Variants in ALOX15B observed in about 807,000 individuals in gnomAD.
The protein encoded by ALOX15B is arachidonate 15-lipoxygenase type B.
In ALOX15B, 74 loss-of-function variants were observed where a neutral mutation model predicts 73.8. That is an observed-to-expected ratio of 1.00 (90% CI 0.83 to 1.22). ALOX15B has a LOEUF of 1.22. Ranked by LOEUF, ALOX15B falls within the 50% of genes most tolerant of loss-of-function variation. ALOX15B has a pLI of 0.00. For synonymous variants in ALOX15B, 353 were observed against 357.2 expected, an observed-to-expected ratio of 0.99 and a Z score of 0.13; for missense variants, 896 against 859.9, an observed-to-expected ratio of 1.04 and a Z score of -0.52.
intron 3 of ALOX15B, among the ~76,000 whole-genome samples, chr17:8,040,372 C>G (rs1976405011): frequency 1.3e-5 from 2 of 151,658 alleles, no homozygotes; most frequent in Admixed American, 1.3e-4. Context: ...GGGCGAAACC[C>G]CATCTCTACT....
chr17:8,039,146 G>C lies in ALOX15B; in HGVS notation c.-10G>C, dbSNP rs745678525. ...TGTGCGCCGTAGAGAGCTGGACTTA[G>C]GCTGGCAGCATGGCCGAGTTCAGGG... On this transcript the variant is annotated 5_prime_UTR_variant, in exon 1 of 14. Coordinates refer to ENST00000380183, the MANE Select transcript of ALOX15B (RefSeq NM_001141.3). The C allele has an allele frequency of 1.9e-6, 3 of 1,612,330 alleles. No individual in the cohort carries two copies. Among genetic ancestry groups the C allele is most frequent in the Non-Finnish European group, 2.5e-6 (3 of 1,179,244 alleles).
rs1460678218 is a variant in ALOX15B at position 8,048,388 on chromosome 17, G to A, written c.1854G>A (p.Arg618=). The A allele has an allele frequency of 1.2e-6, 2 of 1,610,156 alleles. No homozygotes were observed. Among genetic ancestry groups the A allele is most frequent in the Admixed American group, 1.7e-5 (1 of 59,626 alleles). ...WLLSKEPGDQ[R]PLGTYPDEHF... Reference sequence around the variant, plus strand: ...CCAACCTTGTGGTGGATCCTCAGAGGCCCCTGGGCACCTATCCGGATGAGC... The same window carrying A: ...CCAACCTTGTGGTGGATCCTCAGAGACCCCTGGGCACCTATCCGGATGAGC... The change falls in exon 14 of 14, where the codon AGG becomes AGA. Residue 618 remains arginine (R), a splice_region_variant and synonymous_variant. Coordinates refer to ENST00000380183, the MANE Select transcript of ALOX15B (RefSeq NM_001141.3).
chr17:8,045,116 C>T (rs1451846728), intron 6 of ALOX15B, 115 bp downstream of exon 6: 119 of 1,580,716 alleles, frequency 7.5e-5, no homozygotes, highest in Non-Finnish European at 9.1e-5. Context: ...CCGCGTGCTG[C>T]GTGCCAAGCA....
At position 8,039,136 on chromosome 17, in the gene ALOX15B, G is replaced by C; in HGVS notation, c.-20G>C. The C allele has an allele frequency of 1.9e-6, 3 of 1,610,912 alleles. No individual in the cohort carries two copies. The highest frequency in any genetic ancestry group is 2.5e-6 in the Non-Finnish European group (3 of 1,178,584). Reference sequence around the variant, plus strand: ...TCTGCAGCCCTGTGCGCCGTAGAGAGCTGGACTTAGGCTGGCAGCATGGCC... The same window carrying C: ...TCTGCAGCCCTGTGCGCCGTAGAGACCTGGACTTAGGCTGGCAGCATGGCC... On this transcript the variant is annotated 5_prime_UTR_variant, in exon 1 of 14. Coordinates refer to ENST00000380183, the MANE Select transcript of ALOX15B (RefSeq NM_001141.3).
At position 8,048,764 on chromosome 17, in the gene ALOX15B, TC is replaced by T; in HGVS notation, c.*200del. 1 of 580,684 alleles carries T rather than the reference TC, an allele frequency of 1.7e-6. No individual in the cohort carries two copies. Among genetic ancestry groups the T allele is most frequent in the Non-Finnish European group, 2.9e-6 (1 of 348,964 alleles). 36.0% of individuals were successfully genotyped at this position (580,684 alleles called of 1,614,324 possible). On this transcript the variant is annotated 3_prime_UTR_variant, in exon 14 of 14. Coordinates refer to ENST00000380183, the MANE Select transcript of ALOX15B (RefSeq NM_001141.3). ...AAATCAAAACAGAGAAAGCAGAAAA[TC>T]TACCAAGAACAGAGTCTCAGGACAG...
chr17:8,039,624 T>TG lies in ALOX15B; in HGVS notation c.367+23dup. 2.8e-6 allele frequency: 1 copy of TG among 354,840 alleles called. No homozygotes were observed. The highest frequency in any genetic ancestry group is 4.6e-6 in the Non-Finnish European group (1 of 217,140). The allele number at this position is 354,840 out of a possible 1,614,324, so 22.0% of individuals were successfully genotyped here. A position where few individuals can be genotyped will look rare whatever the true frequency, so the allele number is the denominator to read the frequency against. On this transcript the variant is annotated intron_variant, in intron 2 of 13. Coordinates refer to ENST00000380183, the MANE Select transcript of ALOX15B (RefSeq NM_001141.3). The stretch of plus-strand genomic sequence containing the variant: ...GGTACAGGTGAGGGGCGGGCCGGGC[T>TG]GGGGCTGCAGGGGGAGCACAGGAAG...
chr17:8,045,142 C>A, intron 6 of ALOX15B, 96 bp from the exon 7 acceptor site: 1 of 1,596,076 alleles, frequency 6.3e-7, no homozygotes, highest in African/African-American at 1.3e-5. Flanking sequence ...TCCCGAAACA[C>A]ACTCCTCTCC....
intron 13 of ALOX15B, 120 bp downstream of exon 13, chr17:8,048,035 C>A (rs1036732260): frequency 2.5e-6 from 3 of 1,182,536 alleles, no homozygotes; most frequent in Admixed American, 4.9e-5. Context: ...CCCCACTGAC[C>A]CTCCAGTGGG....
Position 8,048,768 on chromosome 17 carries a change from C to T in ALOX15B, c.*203C>T. ...CAAAACAGAGAAAGCAGAAAATCTA[C>T]CAAGAACAGAGTCTCAGGACAGAAC... On this transcript the variant is annotated 3_prime_UTR_variant, in exon 14 of 14. Coordinates refer to ENST00000380183, the MANE Select transcript of ALOX15B (RefSeq NM_001141.3). 5.2e-6 allele frequency: 3 copies of T among 572,074 alleles called. No homozygotes were observed. The highest frequency in any genetic ancestry group is 3.1e-5 in the South Asian group (1 of 32,530). The allele number at this position is 572,074 out of a possible 1,614,324, so 35.4% of individuals were successfully genotyped here. A position where few individuals can be genotyped will look rare whatever the true frequency, so the allele number is the denominator to read the frequency against.
At chr17:8,046,191 C>T (rs988765420) in intron 8 of ALOX15B, among the ~76,000 whole-genome samples, 3 of 152,216 alleles carry the variant, frequency 2.0e-5, no homozygotes, top group African/African-American at 7.2e-5. Flanking sequence ...ATTCTCTGAT[C>T]CTTCTAGACT....
intron 8 of ALOX15B, among the ~76,000 whole-genome samples, chr17:8,045,972 A>T (rs3887935): frequency 0.028 from 4,092 of 146,300 alleles, 189 homozygotes; most frequent in African/African-American, 0.097. Context: ...GGCAGGTGCC[A>T]AAGTTTGAAC....
chr17:8,046,548 C>A, intron 8 of ALOX15B, 120 bp from the exon 9 acceptor site: 2 of 1,013,834 alleles, frequency 2.0e-6, no homozygotes, highest in South Asian at 1.5e-5. Flanking sequence ...CCCAGGCTGC[C>A]TCCTCTCATT....
chr17:8,044,989 GGCTGA>G lies in ALOX15B; in HGVS notation c.841_845del (p.Glu281ArgfsTer22). ...TGTTGGGTCCTGGGACCAGCTTGCAGGCTGAGCTAGAGGTGAGGGGTGCAGGGATC... is the reference window on the plus strand; with the variant it reads ...TGTTGGGTCCTGGGACCAGCTTGCAGGCTAGAGGTGAGGGGTGCAGGGATC... On this transcript the variant is annotated frameshift_variant, in exon 6 of 14. Coordinates refer to ENST00000380183, the MANE Select transcript of ALOX15B (RefSeq NM_001141.3). LOFTEE classifies it high-confidence loss of function. 1 of 1,614,154 alleles carries G rather than the reference GGCTGA, an allele frequency of 6.2e-7. No homozygotes were observed. The highest frequency in any genetic ancestry group is 8.5e-7 in the Non-Finnish European group (1 of 1,180,006).
chr17:8,042,952 C>G, intron 5 of ALOX15B, 68 bp downstream of exon 5: 1 of 1,321,978 alleles, frequency 7.6e-7, no homozygotes, highest in South Asian at 1.3e-5. Flanking sequence ...TGCCCAGAGT[C>G]TCAGAAAACC....
intron 7 of ALOX15B, 29 bp downstream of exon 7, chr17:8,045,413 G>A (rs372594521): frequency 3.6e-5 from 58 of 1,613,556 alleles, no homozygotes; most frequent in Non-Finnish European, 4.1e-5. Flanking sequence ...GCAGGGCAGC[G>A]TGAAGAAGAG....
intron 11 of ALOX15B, 86 bp from the exon 12 acceptor site, chr17:8,047,478 C>T: frequency 6.3e-7 from 1 of 1,581,958 alleles, no homozygotes. Context: ...TCCCCGTGTC[C>T]CCCACCCTCA....
intron 13 of ALOX15B, 40 bp downstream of exon 13, chr17:8,047,955 G>A (rs1395663155): frequency 3.7e-6 from 6 of 1,602,912 alleles, no homozygotes; most frequent in Non-Finnish European, 5.1e-6. Flanking sequence ...CCAAATTGGG[G>A]TAAGAGAGGG....
intron 3 of ALOX15B, among the ~76,000 whole-genome samples, chr17:8,041,330 T>A (rs937804292): frequency 1.3e-5 from 2 of 152,222 alleles, no homozygotes; most frequent in African/African-American, 2.4e-5. Context: ...TGGTTAAGAA[T>A]GTAGGTGGTC....
chr17:8,045,603 C>G lies in ALOX15B; in HGVS notation c.1117C>G (p.His373Asp). ...AEFSFHEALTHLLHSHLLPEV... is the reference protein window; with the variant it reads ...AEFSFHEALTDLLHSHLLPEV... ...GTTCTCCTTCCATGAGGCCCTCACGCACCTGCTGCACTCACATCTGCTGCC... is the reference window on the plus strand; with the variant it reads ...GTTCTCCTTCCATGAGGCCCTCACGGACCTGCTGCACTCACATCTGCTGCC... Residue 373 changes from histidine (H) to aspartate (D), a missense_variant, in exon 8 of 14, where the codon CAC (histidine) becomes GAC (aspartate). Physicochemically the swap from His to Asp is moderately conservative, Grantham distance 81 (BLOSUM62 -1). Coordinates refer to ENST00000380183, the MANE Select transcript of ALOX15B (RefSeq NM_001141.3). The G allele has an allele frequency of 6.2e-7, 1 of 1,614,238 alleles. No homozygotes were observed.
Sources: gnomAD v4.1 joint callset for allele counts (sites outside exome capture counted in the v4.1 genomes callset) on GRCh38, gnomAD v4.1.1 for gene constraint, MANE v1.5 for transcripts, NCBI Gene and HGNC (gene_info 2026-07-23, HGNC 2026-07-21) for gene names.